Variants in AK6 observed in about 807,000 individuals in gnomAD.
The protein encoded by AK6 is adenylate kinase isoenzyme 6.
AK6 carries 24 observed loss-of-function variants against 23.7 expected under a neutral mutation model. The observed-to-expected ratio is 1.01, with a 90% CI of 0.73 to 1.43. AK6 has a LOEUF of 1.43. Ranked by LOEUF, AK6 falls within the 40% of genes most tolerant of loss-of-function variation. The pLI is 0.00. For synonymous variants in AK6, 73 were observed against 69.8 expected (o/e 1.05, Z -0.23); for missense variants, 191 against 199.1 (o/e 0.96, Z 0.24).
At chr5:69,364,074 T>C (rs1762318103) in intron 2 of AK6, among the ~76,000 whole-genome samples, 1 of 152,010 alleles carries the variant, frequency 6.6e-6, no homozygotes, top group African/African-American at 2.4e-5. Context: ...GGCAACAAAA[T>C]GAAATTCTGT....
At chr5:69,367,150 G>C (rs1339791587) in intron 1 of AK6, among the ~76,000 whole-genome samples, 1 of 152,122 alleles carries the variant, frequency 6.6e-6, no homozygotes, top group South Asian at 2.1e-4. Context: ...TTCTCCAGGG[G>C]TGGGGCTCAG....
intron 2 of AK6, chr5:69,364,679 A>ACTC: frequency 1.8e-6 from 1 of 553,298 alleles, no homozygotes. Context: ...GCCAACTGTT[A>ACTC]CTCCTCTTGG....
chr5:69,356,730 T>TG (rs1246427505), intron 2 of AK6, among the ~76,000 whole-genome samples: 5 of 152,290 alleles, frequency 3.3e-5, no homozygotes, highest in South Asian at 4.1e-4. Flanking sequence ...CACATCCTCA[T>TG]GGGAATAGAG....
At chr5:69,365,131 T>C (rs955721990) in intron 2 of AK6, 4 of 1,614,232 alleles carry the variant, frequency 2.5e-6, no homozygotes, top group South Asian at 2.2e-5. Context: ...GTTGCAGGAA[T>C]TGAAGCTTTT....
At chr5:69,359,796 T>C (rs1762181071) in intron 2 of AK6, among the ~76,000 whole-genome samples, 1 of 152,236 alleles carries the variant, frequency 6.6e-6, no homozygotes, top group African/African-American at 2.4e-5. Flanking sequence ...AACAAGAAGC[T>C]GATAACTCTA....
intron 2 of AK6, among the ~76,000 whole-genome samples, chr5:69,363,348 A>C (rs1166254587): frequency 6.6e-6 from 1 of 152,224 alleles, no homozygotes; most frequent in Non-Finnish European, 1.5e-5. Flanking sequence ...TTAATGCTCT[A>C]ATTAGTTTAG....
Position 69,366,995 on chromosome 5 carries a change from G to T in AK6, c.29-400C>A, listed in dbSNP as rs372223370. ...GCTGGTCTCAAACTCCTAACCTCAG[G>T]TGATCTGCCAGCCTCGGCCTCCTAA... is the stretch of plus-strand genomic sequence containing the variant. On this transcript the variant is annotated intron_variant, in intron 1 of 4. Transcript: ENST00000380822. Among the ~76,000 whole-genome samples, 4 of 151,968 alleles carry T rather than the reference G, an allele frequency of 2.6e-5. No individual in the cohort carries two copies. In the East Asian group the frequency reaches 7.8e-4, roughly 30 times the overall value.
intron 2 of AK6, among the ~76,000 whole-genome samples, chr5:69,362,951 G>C (rs11739902): frequency 0.033 from 4,996 of 152,240 alleles, 117 homozygotes; most frequent in Middle Eastern, 0.085. Flanking sequence ...TTGAGTACTT[G>C]AGGTACAGTG....
chr5:69,355,828 A>C (rs1239442604), intron 3 of AK6, 34 bp from the exon 4 acceptor site: 1 of 1,596,642 alleles, frequency 6.3e-7, no homozygotes, highest in South Asian at 1.1e-5. Context: ...ATGCTTCTTA[A>C]GAAAACTGAA....
At chr5:69,360,307 T>G (rs1025118863) in intron 2 of AK6, among the ~76,000 whole-genome samples, 1 of 152,098 alleles carries the variant, frequency 6.6e-6, no homozygotes, top group African/African-American at 2.4e-5. Flanking sequence ...TAGGGATGTG[T>G]AGGAGAAACC....
chr5:69,365,867 T>G lies in AK6; in HGVS notation c.121+636A>C, dbSNP rs568084120. ...AAATCTATGTTAAACTGTAAAAAAA[T>G]TTTTAAAATTTAAACCATATGTTTT... is the stretch of plus-strand genomic sequence containing the variant. On this transcript the variant is annotated intron_variant, in intron 2 of 4. Coordinates refer to ENST00000380822, the MANE Select transcript of AK6 (RefSeq NM_016283.5). The G allele has an allele frequency of 4.1e-6, 3 of 726,546 alleles. No homozygotes were observed. In the African/African-American group the frequency reaches 5.5e-5, roughly 13 times the overall value. 45.0% of individuals were successfully genotyped at this position (726,546 alleles called of 1,614,324 possible).
In AK6 at chr5:69,355,911, A is replaced by G. The variant is rs1762072969; in HGVS notation, c.164T>C (p.Ile55Thr). Reference protein sequence around the residue: ...DGYDEEYDCPILDEDRVVDEL... With the variant: ...DGYDEEYDCPTLDEDRVVDEL... Reference sequence around the variant, plus strand: ...CATACTTACTCTGTCTTCATCTAAAATGGGACAGTCATACTCTTCATCATA... The same window carrying G: ...CATACTTACTCTGTCTTCATCTAAAGTGGGACAGTCATACTCTTCATCATA... The change falls in exon 3 of 5, where the codon ATT becomes ACT. Residue 55 changes from isoleucine (I) to threonine (T), a missense_variant. Transcript: ENST00000380822. 1 of 1,610,290 alleles carries G rather than the reference A, an allele frequency of 6.2e-7. No individual in the cohort carries two copies. The highest frequency in any genetic ancestry group is 1.7e-5 in the Admixed American group (1 of 59,138).
At chr5:69,360,770 G>A (rs1762210953) in intron 2 of AK6, among the ~76,000 whole-genome samples, 1 of 152,096 alleles carries the variant, frequency 6.6e-6, no homozygotes, top group Non-Finnish European at 1.5e-5. Context: ...GATAGAACAG[G>A]GATCAGCATT....
intron 2 of AK6, among the ~76,000 whole-genome samples, chr5:69,363,676 T>G (rs1580315709): frequency 6.6e-6 from 1 of 151,292 alleles, no homozygotes; most frequent in African/African-American, 2.4e-5. Context: ...CCCAGCTACT[T>G]GGGAGGCTGA....
chr5:69,369,377 G>T, intron 1 of AK6, 86 bp downstream of exon 1: 1 of 1,509,238 alleles, frequency 6.6e-7, no homozygotes, highest in Admixed American at 2.0e-5. Flanking sequence ...GGGCAGTGAG[G>T]GGCCCCCACC....
At chr5:69,353,095 A>G (rs905444872) in intron 4 of AK6, among the ~76,000 whole-genome samples, 34 of 152,242 alleles carry the variant, frequency 2.2e-4, no homozygotes, top group Non-Finnish European at 4.4e-4. Context: ...TCTATGATAC[A>G]ATATGAATGA....
chr5:69,368,655 T>A (rs951968739), intron 1 of AK6, among the ~76,000 whole-genome samples: 5 of 152,198 alleles, frequency 3.3e-5, no homozygotes, highest in African/African-American at 1.2e-4. Context: ...ACTTTACTGT[T>A]CCCACAAAGA....
At chr5:69,356,896 A>C (rs939690220) in intron 2 of AK6, among the ~76,000 whole-genome samples, 2 of 152,246 alleles carry the variant, frequency 1.3e-5, no homozygotes, top group African/African-American at 4.8e-5. Context: ...TAAATTTAAC[A>C]TAAGAACTTT....
In AK6 at chr5:69,356,642, C is replaced by T. The variant is rs966465327; in HGVS notation, c.122-689G>A. On this transcript the variant is annotated intron_variant, in intron 2 of 4. Transcript: ENST00000380822. ...CTCCAGGCTGGGCGACAGAGCAGGA[C>T]CCTGTCTCCAAAAAGAAAGAAAGAA... Among the ~76,000 whole-genome samples the T allele has an allele frequency of 2.0e-5, 3 of 152,030 alleles. No homozygotes were observed. The South Asian group carries it at 6.2e-4, about 31-fold the overall frequency.
Sources: gnomAD v4.1 joint callset for allele counts (sites outside exome capture counted in the v4.1 genomes callset) on GRCh38, gnomAD v4.1.1 for gene constraint, MANE v1.5 for transcripts, NCBI Gene and HGNC (gene_info 2026-07-23, HGNC 2026-07-21) for gene names.